PPP4R2: variants seen among roughly 807,000 people sequenced by gnomAD.
PPP4R2 encodes serine/threonine-protein phosphatase 4 regulatory subunit 2.
PPP4R2 carries 13 observed loss-of-function variants against 47.2 expected under a neutral mutation model. That is an observed-to-expected ratio of 0.28 (90% CI 0.18 to 0.44). PPP4R2 has a LOEUF of 0.44. Among genes scored for constraint, PPP4R2 ranks in the 20% least tolerant of loss-of-function variants. The pLI is 1.00. For synonymous variants in PPP4R2, 151 were observed against 163.3 expected, an observed-to-expected ratio of 0.92 and a Z score of 0.57; for missense variants, 421 against 491.2, an observed-to-expected ratio of 0.86 and a Z score of 1.35.
intron 2 of PPP4R2, among the ~76,000 whole-genome samples, chr3:73,029,609 G>C (rs888282465): frequency 6.6e-6 from 1 of 152,198 alleles, no homozygotes; most frequent in African/African-American, 2.4e-5. Flanking sequence ...GGAAAGATCA[G>C]AAGTTCAGTT....
At chr3:72,998,026 T>C (rs1406701812) in intron 1 of PPP4R2, 51 bp from the exon 2 acceptor site, 2 of 1,326,224 alleles carry the variant, frequency 1.5e-6, no homozygotes, top group South Asian at 1.2e-5. Flanking sequence ...AGTTTGTTTT[T>C]AGAGCGCTTT....
intron 2 of PPP4R2, chr3:73,014,913 A>T (rs1048386661): frequency 1.5e-6 from 1 of 675,014 alleles, no homozygotes; most frequent in African/African-American, 1.8e-5. Flanking sequence ...TGTGTTGCCC[A>T]GGCTGGCCTC....
Position 73,068,435 on chromosome 3 carries a change from T to A in PPP4R2, c.*2713T>A, listed in dbSNP as rs1433330695. ...CTTTTAAAAAGTGAAAATATCCTTG[T>A]ACATTTTTGAAAAATATATTTTCAG... is the stretch of plus-strand genomic sequence containing the variant. On this transcript the variant is annotated 3_prime_UTR_variant, in exon 9 of 9. Transcript: ENST00000356692. The A allele has an allele frequency of 1.3e-5, 2 of 152,240 alleles. No individual in the cohort carries two copies. Among genetic ancestry groups the A allele is most frequent in the Non-Finnish European group, 2.9e-5 (2 of 68,042 alleles). The allele number at this position is 152,240 out of a possible 1,614,324, so 9.4% of individuals were successfully genotyped here.
intron 7 of PPP4R2, 69 bp downstream of exon 7, chr3:73,064,215 A>C: frequency 3.8e-6 from 5 of 1,302,778 alleles, no homozygotes; most frequent in Non-Finnish European, 1.1e-6. Context: ...ATCAGTACTT[A>C]TCACTTACTA....
chr3:73,040,783 C>T (rs1004530801), intron 2 of PPP4R2, among the ~76,000 whole-genome samples: 3 of 152,074 alleles, frequency 2.0e-5, no homozygotes, highest in African/African-American at 7.2e-5. Flanking sequence ...AAAGTGCTTG[C>T]ATTACAGGCG....
intron 2 of PPP4R2, among the ~76,000 whole-genome samples, chr3:73,045,681 C>T (rs569397017): frequency 6.9e-4 from 105 of 152,120 alleles, no homozygotes; most frequent in Non-Finnish European, 1.3e-3. Flanking sequence ...CATGCACCAC[C>T]CCGCCTGGCT....
intron 3 of PPP4R2, among the ~76,000 whole-genome samples, chr3:73,055,794 G>T (rs1035414748): frequency 1.3e-5 from 2 of 151,582 alleles, no homozygotes; most frequent in African/African-American, 4.9e-5. Context: ...TCAGCCTCCC[G>T]AGTAGCTAGG....
At position 73,022,653 on chromosome 3, in the gene PPP4R2, G is replaced by T. The variant is rs114078696; in HGVS notation, c.116+24495G>T. Among the ~76,000 whole-genome samples, 81 of 152,046 alleles carry T rather than the reference G, an allele frequency of 5.3e-4. 1 individual carries two copies. Among genetic ancestry groups the T allele is most frequent in the African/African-American group, 1.9e-3 (77 of 41,480 alleles). On this transcript the variant is annotated intron_variant, in intron 2 of 8. Transcript: ENST00000356692. Reference sequence around the variant, plus strand: ...AATCCTATAATATCTTTGCTACCAAGTTTAAGAACGTCAATAAATATCATC... The same window carrying T: ...AATCCTATAATATCTTTGCTACCAATTTTAAGAACGTCAATAAATATCATC...
At chr3:73,042,524 C>G (rs572523444) in intron 2 of PPP4R2, among the ~76,000 whole-genome samples, 1 of 151,834 alleles carries the variant, frequency 6.6e-6, no homozygotes, top group Non-Finnish European at 1.5e-5. Flanking sequence ...GCCACCACAC[C>G]CAGCTAATTT....
chr3:73,027,994 C>G (rs1342383759), intron 2 of PPP4R2: 3 of 148,046 alleles, frequency 2.0e-5, no homozygotes, highest in African/African-American at 7.5e-5. Context: ...TAGTGAGTCA[C>G]GCCTCTAATT....
Position 72,998,109 on chromosome 3 carries a change from C to A in PPP4R2, c.67C>A (p.Pro23Thr). ...GAAGAGGGGGAAAAAGGAAGTTTGT[C>A]CTGTCCTGGATCAGTTTCTTTGTCA... ...FEKRGKKEVC[P>T]VLDQFLCHVA... The change falls in exon 2 of 9, where the codon CCT becomes ACT. Residue 23 changes from proline (P) to threonine (T), a missense_variant. Transcript: ENST00000356692. 1 of 1,605,460 alleles carries A rather than the reference C, an allele frequency of 6.2e-7. No homozygotes were observed. Among genetic ancestry groups the A allele is most frequent in the South Asian group, 1.1e-5 (1 of 88,444 alleles).
intron 2 of PPP4R2, among the ~76,000 whole-genome samples, chr3:73,025,229 T>G (rs1469683086): frequency 6.6e-6 from 1 of 152,188 alleles, no homozygotes; most frequent in Non-Finnish European, 1.5e-5. Flanking sequence ...TACCTGCAAT[T>G]CATCATATTG....
rs778680305 is a variant in PPP4R2 at position 73,064,898 on chromosome 3, A to G, written c.685A>G (p.Lys229Glu). Residue 229 changes from lysine (K) to glutamate (E), a missense_variant, in exon 8 of 9, where the codon AAA becomes GAA. This residue lies in a region of PPP4R2 where 317 missense variants were observed against 287.5 expected (regional missense o/e 1.10). Coordinates refer to ENST00000356692, the MANE Select transcript of PPP4R2 (RefSeq NM_174907.4). ...ESEVSSVSPL[K>E]NKHPDEDAVE... is the part of the protein sequence containing the mutation. ...AGAAGTTTCCTCAGTGAGCCCTTTG[A>G]AAAATAAACATCCAGATGAAGATGC... The G allele has an allele frequency of 1.2e-6, 2 of 1,613,268 alleles. No homozygotes were observed. Among genetic ancestry groups the G allele is most frequent in the Non-Finnish European group, 1.7e-6 (2 of 1,179,650 alleles).
chr3:73,062,433 C>T, intron 5 of PPP4R2: 1 of 1,611,548 alleles, frequency 6.2e-7, no homozygotes, highest in Non-Finnish European at 8.5e-7. Flanking sequence ...ACATAAATCT[C>T]ATTTCCACCC....
chr3:73,045,132 T>G (rs892949569), intron 2 of PPP4R2, among the ~76,000 whole-genome samples: 31 of 152,180 alleles, frequency 2.0e-4, no homozygotes, highest in African/African-American at 7.2e-4. Context: ...TAGCTGGGAC[T>G]ACAGGTGCAT....
At position 73,065,941 on chromosome 3, in the gene PPP4R2, C is replaced by CT. The variant is rs1360631185; in HGVS notation, c.*226dup. 1.3e-5 allele frequency: 4 copies of CT among 314,248 alleles called. No individual in the cohort carries two copies. Among genetic ancestry groups the CT allele is most frequent in the East Asian group, 1.0e-4 (2 of 19,974 alleles). 19.5% of individuals were successfully genotyped at this position (314,248 alleles called of 1,614,324 possible). A position where few individuals can be genotyped will look rare whatever the true frequency, so the allele number is the denominator to read the frequency against. On this transcript the variant is annotated 3_prime_UTR_variant, in exon 9 of 9. Coordinates refer to ENST00000356692, the MANE Select transcript of PPP4R2 (RefSeq NM_174907.4). ...CCTTACCGCTGACTTTTCTTTCTTT[C>CT]TTTTTTTGGTCTGGGCAAATCAGTG...
At chr3:73,009,651 C>T (rs1052096660) in intron 2 of PPP4R2, among the ~76,000 whole-genome samples, 2 of 152,120 alleles carry the variant, frequency 1.3e-5, no homozygotes, top group Non-Finnish European at 2.9e-5. Flanking sequence ...AATTTATAGT[C>T]CACAGAGCAC....
chr3:73,043,678 A>G (rs556328560), intron 2 of PPP4R2, among the ~76,000 whole-genome samples: 41 of 152,312 alleles, frequency 2.7e-4, no homozygotes, highest in African/African-American at 9.4e-4. Flanking sequence ...TTTCTCTAAT[A>G]GATAATAATG....
chr3:73,018,242 A>T (rs1295015157), intron 2 of PPP4R2, among the ~76,000 whole-genome samples: 1 of 152,094 alleles, frequency 6.6e-6, no homozygotes, highest in Non-Finnish European at 1.5e-5. Context: ...AAAGTACAAT[A>T]TTTGTAGGAT....
Sources: allele counts gnomAD v4.1 joint callset (sites outside exome capture counted in the v4.1 genomes callset), GRCh38; gene constraint gnomAD v4.1.1; regional missense constraint gnomAD v4.1.1; transcripts MANE v1.5; gene names NCBI Gene and HGNC (gene_info 2026-07-23, HGNC 2026-07-21).